The following CFAP206 variants were observed in gnomAD, a reference collection of about 807,000 sequenced individuals.
CFAP206 encodes cilia and flagella associated protein 206.
A neutral mutation model predicts 65.4 loss-of-function variants in CFAP206; 53 were observed. That is an observed-to-expected ratio of 0.81 (90% CI 0.65 to 1.02). The LOEUF (loss-of-function observed/expected upper bound fraction) is 1.02. Ranked by LOEUF, CFAP206 falls within the 50% of genes least tolerant of loss-of-function variation. The probability of loss-of-function intolerance (pLI) is 0.00; values close to 1 mark genes in which losing one functional copy is unlikely to be tolerated. For synonymous variants in CFAP206, 250 were observed against 254.4 expected (o/e 0.98, Z 0.17); for missense variants, 663 against 753.2 (o/e 0.88, Z 1.40).
rs1767813983 is a variant in CFAP206, at chr6:87,415,688, G to A, written c.286G>A (p.Glu96Lys). 1 of 1,599,390 alleles carries A rather than the reference G, an allele frequency of 6.3e-7. No homozygotes were observed. The highest frequency in any genetic ancestry group is 8.5e-7 in the Non-Finnish European group (1 of 1,173,550). Reference protein sequence around the residue: ...YFDMNYTNRVEFLEEHHRVLE... With the variant: ...YFDMNYTNRVKFLEEHHRVLE... ...ACATTGTTATTTGGCAATTTTAGTG[G>A]AATTTCTCGAAGAACATCACCGGGT... The change falls in exon 5 of 13, where the codon GAA becomes AAA. Residue 96 changes from glutamate (E) to lysine (K), a missense_variant and splice_region_variant. By Grantham distance (56) the Glu-to-Lys change is moderately conservative. Coordinates refer to ENST00000369562, the MANE Select transcript of CFAP206 (RefSeq NM_001031743.3).
intron 11 of CFAP206, chr6:87,441,814 C>T (rs573959971): frequency 1.1e-4 from 28 of 261,098 alleles, no homozygotes; most frequent in South Asian, 3.9e-4. Context: ...AAATTTCAGG[C>T]GAATAAGAGA....
chr6:87,460,998 A>G, intron 11 of CFAP206, 24 bp from the exon 12 acceptor site: 1 of 1,554,888 alleles, frequency 6.4e-7, no homozygotes, highest in Middle Eastern at 1.7e-4. Flanking sequence ...TACAAGCACT[A>G]ACTACAAAAC....
At chr6:87,437,323 A>C (rs1428772995) in intron 11 of CFAP206, among the ~76,000 whole-genome samples, 1 of 150,610 alleles carries the variant, frequency 6.6e-6, no homozygotes, top group Non-Finnish European at 1.5e-5. Flanking sequence ...ATTTCTTCTT[A>C]TTTATCTGTT....
chr6:87,461,230 G>C, intron 12 of CFAP206, 65 bp downstream of exon 12: 1 of 1,103,766 alleles, frequency 9.1e-7, no homozygotes, highest in Non-Finnish European at 1.2e-6. Flanking sequence ...GTTACTCATA[G>C]AGTTGGTAAA....
At chr6:87,429,450 G>A (rs796088649) in intron 9 of CFAP206, among the ~76,000 whole-genome samples, 25 of 152,098 alleles carry the variant, frequency 1.6e-4, no homozygotes, top group African/African-American at 6.0e-4. Context: ...CTATTTTGTT[G>A]CAAATAAAGC....
At chr6:87,436,577 T>G (rs528431901) in intron 11 of CFAP206, 3 of 152,380 alleles carry the variant, frequency 2.0e-5, no homozygotes, top group African/African-American at 7.3e-5. Flanking sequence ...CTGAGGAGGG[T>G]GGGGGGAAGT....
At chr6:87,453,274 C>T (rs762540565) in intron 11 of CFAP206, among the ~76,000 whole-genome samples, 4 of 152,022 alleles carry the variant, frequency 2.6e-5, no homozygotes, top group Non-Finnish European at 4.4e-5. Flanking sequence ...TAAAGACTTT[C>T]CCAGACAAAC....
rs1402340722 is a variant in CFAP206, at chr6:87,464,051, T to C, written c.1670T>C (p.Val557Ala). ...TTGCGCCAGAAAGTTACTCACTCAG[T>C]ACAAACTGATCTTAGTCACTTGAGA... Reference protein sequence around the residue: ...ANLRQKVTHSVQTDLSHLRRE... With the variant: ...ANLRQKVTHSAQTDLSHLRRE... The change falls in exon 13 of 13, where the codon GTA becomes GCA. Residue 557 changes from valine (V) to alanine (A), a missense_variant. Physicochemically the swap from Val to Ala is moderately conservative, Grantham distance 64. Coordinates refer to ENST00000369562, the MANE Select transcript of CFAP206 (RefSeq NM_001031743.3). The C allele has an allele frequency of 1.2e-6, 2 of 1,613,872 alleles. No homozygotes were observed. Among genetic ancestry groups the C allele is most frequent in the Non-Finnish European group, 1.7e-6 (2 of 1,179,894 alleles).
chr6:87,438,443 G>A (rs907999715), intron 11 of CFAP206, among the ~76,000 whole-genome samples: 3 of 140,718 alleles, frequency 2.1e-5, no homozygotes, highest in Non-Finnish European at 4.5e-5. Context: ...CCTGGCAACA[G>A]AGCGAGACTC....
chr6:87,422,833 A>G (rs1223087069), intron 7 of CFAP206, among the ~76,000 whole-genome samples: 2 of 152,102 alleles, frequency 1.3e-5, no homozygotes, highest in African/African-American at 2.4e-5. Flanking sequence ...AAGTAGAGTA[A>G]TTTCTAGGAC....
At position 87,464,136 on chromosome 6, in the gene CFAP206, A is replaced by G. The variant is rs1027471970; in HGVS notation, c.1755A>G (p.Glu585=). ...PKDTSTQSMR[E]DSTGVPRPQI... ...ACACTAGCACCCAGTCCATGAGGGA[A>G]GACAGCACTGGGGTGCCCAGGCCTC... Residue 585 remains glutamate, a synonymous_variant, in exon 13 of 13, where the codon GAA becomes GAG. Transcript: ENST00000369562. The G allele has an allele frequency of 6.2e-7, 1 of 1,614,066 alleles. No individual in the cohort carries two copies. Among genetic ancestry groups the G allele is most frequent in the African/African-American group, 1.3e-5 (1 of 74,936 alleles).
chr6:87,413,677 A>T (rs1035324473), intron 3 of CFAP206, 133 bp from the exon 4 acceptor site: 2 of 585,804 alleles, frequency 3.4e-6, no homozygotes, highest in Admixed American at 3.9e-5. Context: ...GAGAAAAAAA[A>T]AATAAAAGGG....
intron 10 of CFAP206, among the ~76,000 whole-genome samples, chr6:87,432,799 T>C (rs1434458659): frequency 6.6e-6 from 1 of 152,228 alleles, no homozygotes; most frequent in Non-Finnish European, 1.5e-5. Flanking sequence ...AGTTTCATAT[T>C]CCTCTCTGGA....
At chr6:87,449,654 A>G (rs1768507963) in intron 11 of CFAP206, among the ~76,000 whole-genome samples, 1 of 152,016 alleles carries the variant, frequency 6.6e-6, no homozygotes, top group Non-Finnish European at 1.5e-5. Context: ...TCATTTGCCC[A>G]TTTTAAAATT....
rs11394813 is a variant in CFAP206 at position 87,417,553 on chromosome 6, C to CTT, written c.632-640_632-639dup. Among the ~76,000 whole-genome samples the CTT allele has an allele frequency of 5.4e-3, 721 of 132,826 alleles. 4 individuals carry two copies. Among genetic ancestry groups the CTT allele is most frequent in the Non-Finnish European group, 7.2e-3 (444 of 61,808 alleles). 87.1% of individuals were successfully genotyped at this position (132,826 alleles called of 152,430 possible). A position where few individuals can be genotyped will look rare whatever the true frequency, so the allele number is the denominator to read the frequency against. On this transcript the variant is annotated intron_variant, in intron 6 of 12. Transcript: ENST00000369562. The stretch of plus-strand genomic sequence containing the variant: ...CAGATGAGTTTCTTAACAAACGTTC[C>CTT]TTTTTTTTTTTTTTTTAATAACTAG...
Position 87,409,932 on chromosome 6 carries a change from T to G in CFAP206, c.93T>G (p.Thr31=), listed in dbSNP as rs763630568. ...CAAHGEIVSE[T]LIAFMVKAVV... ...CCCATGGAGAGATTGTTTCTGAAAC[T>G]CTGATTGCTTTTATGGTAAGAAGAA... Residue 31 remains threonine (T), a synonymous_variant, in exon 2 of 13, where the codon ACT becomes ACG. Transcript: ENST00000369562. The G allele has an allele frequency of 1.6e-5, 26 of 1,606,586 alleles. No individual in the cohort carries two copies. The South Asian group carries it at 2.7e-4, about 16-fold the overall frequency.
At chr6:87,419,526 G>T (rs556132294) in intron 7 of CFAP206, among the ~76,000 whole-genome samples, 12 of 152,302 alleles carry the variant, frequency 7.9e-5, no homozygotes, top group African/African-American at 2.9e-4. Context: ...ATTACTGCAT[G>T]ATGGCAGGTT....
intron 12 of CFAP206, among the ~76,000 whole-genome samples, chr6:87,463,033 G>C (rs1222117122): frequency 6.6e-6 from 1 of 152,222 alleles, no homozygotes; most frequent in East Asian, 1.9e-4. Flanking sequence ...GAGGTGGACT[G>C]GGGGTAGGAT....
chr6:87,409,793 TAAA>T (rs771100334), intron 1 of CFAP206, 39 bp from the exon 2 acceptor site: 1 of 1,366,156 alleles, frequency 7.3e-7, no homozygotes, highest in Non-Finnish European at 1.0e-6. Context: ...TAAATTTGCA[TAAA>T]ACCACGGTTT....
Sources: gnomAD v4.1 joint callset for allele counts (sites outside exome capture counted in the v4.1 genomes callset) on GRCh38, gnomAD v4.1.1 for gene constraint, MANE v1.5 for transcripts, NCBI Gene and HGNC (gene_info 2026-07-23, HGNC 2026-07-21) for gene names.